PACRGL: variants seen among roughly 807,000 people sequenced by gnomAD.
PACRGL encodes PACRG-like protein.
PACRGL carries 38 observed loss-of-function variants against 34.5 expected under a neutral mutation model. The observed-to-expected ratio is 1.10, with a 90% CI of 0.85 to 1.44. The LOEUF is 1.44. Among genes scored for constraint, PACRGL ranks in the 40% most tolerant of loss-of-function variants. The pLI is 0.00. For synonymous variants in PACRGL, 128 were observed against 100.1 expected (o/e 1.28, Z -1.66); for missense variants, 305 against 281.4 (o/e 1.08, Z -0.60).
chr4:20,705,998 T>C (rs1208547242), intron 3 of PACRGL, among the ~76,000 whole-genome samples: 1 of 151,084 alleles, frequency 6.6e-6, no homozygotes, highest in Non-Finnish European at 1.5e-5. Context: ...CACATTAATA[T>C]TTTAAATATT....
chr4:20,722,025 C>T lies in PACRGL; in HGVS notation c.610-2783C>T, dbSNP rs542590195. Among the ~76,000 whole-genome samples, 38 of 152,348 alleles carry T rather than the reference C, an allele frequency of 2.5e-4. 1 individual carries two copies. The South Asian group carries it at 4.3e-3, about 17-fold the overall frequency. On this transcript the variant is annotated intron_variant, in intron 7 of 8. Transcript: ENST00000503585. ...TTACCTGCTGAAACCTCAGCAATGG[C>T]GGGCGCCCCTCTCCCAGCCTTGCTG...
chr4:20,701,987 T>A (rs1469567026), intron 1 of PACRGL: 3 of 450,336 alleles, frequency 6.7e-6, no homozygotes, highest in Non-Finnish European at 1.3e-5. Context: ...TTACTGTATG[T>A]TTAATGCTGA....
chr4:20,760,836 A>C, the PACRGL span, among the ~76,000 whole-genome samples: 1 of 152,132 alleles, frequency 6.6e-6, no homozygotes, highest in African/African-American at 2.4e-5. Context: ...AACAACCAAA[A>C]ACAAATGAGC....
chr4:20,754,587 A>G (rs1218476527), downstream of PACRGL, among the ~76,000 whole-genome samples: 1 of 152,226 alleles, frequency 6.6e-6, no homozygotes, highest in Admixed American at 6.5e-5. Flanking sequence ...GCAAATCATA[A>G]TTCTTTAAAA....
chr4:20,704,607 G>T, intron 2 of PACRGL, 53 bp from the exon 3 acceptor site: 1 of 1,613,124 alleles, frequency 6.2e-7, no homozygotes, highest in Non-Finnish European at 8.5e-7. Flanking sequence ...ATGGATGCAG[G>T]GTGAACTTTA....
In PACRGL at chr4:20,712,878, A is replaced by G; in HGVS notation, c.457A>G (p.Ile153Val). The G allele has an allele frequency of 3.7e-6, 6 of 1,605,764 alleles. No individual in the cohort carries two copies. Among genetic ancestry groups the G allele is most frequent in the African/African-American group, 1.3e-5 (1 of 74,914 alleles). Residue 153 changes from isoleucine to valine, a missense_variant, in exon 6 of 9, where the codon ATT becomes GTT. By Grantham distance (29) the Ile-to-Val change is conservative (BLOSUM62 3). Transcript: ENST00000503585. Reference protein sequence around the residue: ...LLVKGAPEKAIPLLPRLIPVL... With the variant: ...LLVKGAPEKAVPLLPRLIPVL... ...GGTCAAAGGTGCTCCTGAAAAAGCTATTCCTTTGCTACCTAGACTGATTCC... is the reference window on the plus strand; with the variant it reads ...GGTCAAAGGTGCTCCTGAAAAAGCTGTTCCTTTGCTACCTAGACTGATTCC...
downstream of PACRGL, among the ~76,000 whole-genome samples, chr4:20,753,447 C>G (rs950436507): frequency 4.6e-5 from 7 of 152,086 alleles, no homozygotes; most frequent in African/African-American, 1.7e-4. Context: ...AGTTCTTAAC[C>G]CAATTATATC....
At chr4:20,744,088 A>G (rs953983948) in intron 8 of PACRGL, among the ~76,000 whole-genome samples, 2 of 152,130 alleles carry the variant, frequency 1.3e-5, no homozygotes, top group Non-Finnish European at 2.9e-5. Context: ...AGTTAGAATG[A>G]CAATCATTAA....
At chr4:20,714,133 A>C (rs1738637227) in intron 7 of PACRGL, among the ~76,000 whole-genome samples, 1 of 152,078 alleles carries the variant, frequency 6.6e-6, no homozygotes, top group Non-Finnish European at 1.5e-5. Flanking sequence ...GTGGGAGTCG[A>C]AATCTCTTTG....
At chr4:20,725,352 TACACAC>T (rs10584716) in intron 8 of PACRGL, among the ~76,000 whole-genome samples, 32 of 150,254 alleles carry the variant, frequency 2.1e-4, no homozygotes, top group South Asian at 1.0e-3. Context: ...CCCATAGGTG[TACACAC>T]ACACACACAC....
At chr4:20,767,107 C>T in the PACRGL span, 7 of 152,158 alleles carry the variant, frequency 4.6e-5, no homozygotes, top group African/African-American at 1.4e-4. Flanking sequence ...AACTCCATCA[C>T]GCAATGAGTC....
the PACRGL span, among the ~76,000 whole-genome samples, chr4:20,761,238 A>C: frequency 2.6e-5 from 4 of 152,282 alleles, no homozygotes; most frequent in East Asian, 7.7e-4. Flanking sequence ...CCCCTTCATT[A>C]GATATCAAGC....
Position 20,727,921 on chromosome 4 carries a change from T to TG in PACRGL, c.*583dup, listed in dbSNP as rs1246655989. ...TTTTCATCTCAGCCTCCTGATTAGC[T>TG]GGGACTATAGGCGTGTGCCACCATG... On this transcript the variant is annotated 3_prime_UTR_variant, in exon 9 of 9. Coordinates refer to ENST00000503585, the MANE Select transcript of PACRGL (RefSeq NM_001258345.3). 1 of 152,822 alleles carries TG rather than the reference T, an allele frequency of 6.5e-6. No homozygotes were observed. Among genetic ancestry groups the TG allele is most frequent in the African/African-American group, 2.4e-5 (1 of 41,444 alleles). The allele number at this position is 152,822 out of a possible 1,614,324, so 9.5% of individuals were successfully genotyped here.
chr4:20,739,500 G>T (rs187690825), intron 8 of PACRGL, among the ~76,000 whole-genome samples: 73 of 152,284 alleles, frequency 4.8e-4, no homozygotes, highest in African/African-American at 1.7e-3. Flanking sequence ...GCAGCTGAGG[G>T]TCCTGACTGT....
At chr4:20,698,745 C>G (rs1731372745), upstream of PACRGL, among the ~76,000 whole-genome samples, 1 of 152,108 alleles carries the variant, frequency 6.6e-6, no homozygotes, top group Non-Finnish European at 1.5e-5. Flanking sequence ...CTGAAAAATC[C>G]GTGTCATCGT....
chr4:20,755,636 T>G (rs887951312), downstream of PACRGL, among the ~76,000 whole-genome samples: 4 of 152,106 alleles, frequency 2.6e-5, no homozygotes, highest in African/African-American at 9.7e-5. Context: ...TTGTCTCGAG[T>G]GCCGAAAAGA....
chr4:20,716,245 A>G, intron 7 of PACRGL: 2 of 794,660 alleles, frequency 2.5e-6, no homozygotes, highest in Non-Finnish European at 4.2e-6. Context: ...TAAAATCAGC[A>G]AAGGTAAGAG....
chr4:20,716,239 A>G (rs1483290064), intron 7 of PACRGL: 2 of 821,652 alleles, frequency 2.4e-6, no homozygotes, highest in African/African-American at 3.4e-5. Flanking sequence ...AAAGATTAAA[A>G]TCAGCAAAGG....
Position 20,730,005 on chromosome 4 carries a change from TA to T in PACRGL, c.*2668del. The T allele has an allele frequency of 6.6e-7, 1 of 1,521,780 alleles. No homozygotes were observed. The highest frequency in any genetic ancestry group is 2.3e-5 in the East Asian group (1 of 42,680). The allele number at this position is 1,521,780 out of a possible 1,614,324, so 94.3% of individuals were successfully genotyped here. On this transcript the variant is annotated 3_prime_UTR_variant, in exon 9 of 9. Coordinates refer to ENST00000503585, the MANE Select transcript of PACRGL (RefSeq NM_001258345.3). ...CAGTGTCAAGCTGAGCAATCTATGC[TA>T]AAAGTGGTAGCTCCAACTTTAAGGG...
Sources: gnomAD v4.1 joint callset for allele counts (sites outside exome capture counted in the v4.1 genomes callset) on GRCh38, gnomAD v4.1.1 for gene constraint, MANE v1.5 for transcripts, NCBI Gene and HGNC (gene_info 2026-07-23, HGNC 2026-07-21) for gene names.